Variants in PEMT observed in about 807,000 individuals in gnomAD.
PEMT encodes the protein phosphatidylethanolamine N-methyltransferase.
A neutral mutation model predicts 27.4 loss-of-function variants in PEMT; 23 were observed. That is an observed-to-expected ratio of 0.84 (90% CI 0.60 to 1.19). The LOEUF (loss-of-function observed/expected upper bound fraction) is 1.19. Among genes scored for constraint, PEMT ranks in the 50% most tolerant of loss-of-function variants. The pLI, the probability that PEMT is intolerant of heterozygous loss-of-function variation, is 0.00. For missense variants in PEMT, 307 were observed against 310.1 expected (o/e 0.99, Z 0.07); for synonymous variants, 137 against 139.1 (o/e 0.98, Z 0.11).
chr17:17,583,429 AGAG>A (rs1295266210), intron 1 of PEMT, among the ~76,000 whole-genome samples: 4 of 152,260 alleles, frequency 2.6e-5, no homozygotes, highest in South Asian at 2.1e-4. Flanking sequence ...CTCTGGTAGA[AGAG>A]GAGAAGCCAT....
chr17:17,585,324 C>A (rs943296689), intron 1 of PEMT, among the ~76,000 whole-genome samples: 9 of 152,086 alleles, frequency 5.9e-5, no homozygotes, highest in African/African-American at 2.2e-4. Flanking sequence ...GGCGACAGAG[C>A]GAGAATCCAT....
intron 1 of PEMT, among the ~76,000 whole-genome samples, chr17:17,580,428 G>T (rs1911903990): frequency 6.6e-6 from 1 of 152,052 alleles, no homozygotes; most frequent in Admixed American, 6.6e-5. Flanking sequence ...AGTGAGCCAA[G>T]ATTGTCCCAC....
intron 6 of PEMT, 91 bp downstream of exon 6, chr17:17,506,136 T>G (rs930703015): frequency 1.7e-6 from 2 of 1,177,184 alleles, no homozygotes; most frequent in African/African-American, 3.0e-5. Context: ...CAGCCTGTCC[T>G]GAGCCTGCCC....
At chr17:17,536,026 C>A (rs1252048964) in intron 2 of PEMT, among the ~76,000 whole-genome samples, 1 of 152,206 alleles carries the variant, frequency 6.6e-6, no homozygotes, top group Non-Finnish European at 1.5e-5. Flanking sequence ...CTGCCACTGT[C>A]TCCCCAAGGG....
chr17:17,584,188 C>T (rs1326793395), intron 1 of PEMT, among the ~76,000 whole-genome samples: 1 of 151,966 alleles, frequency 6.6e-6, no homozygotes, highest in African/African-American at 2.4e-5. Context: ...GAGATGGAGT[C>T]TCACTCTATC....
intron 2 of PEMT, among the ~76,000 whole-genome samples, chr17:17,576,399 T>A (rs1911590761): frequency 6.6e-6 from 1 of 152,078 alleles, no homozygotes; most frequent in Admixed American, 6.5e-5. Context: ...TCATGCCGGC[T>A]TGCTCCTGCC....
At chr17:17,577,495 A>G (rs1436213769) in intron 1 of PEMT, 1 of 1,015,976 alleles carries the variant, frequency 9.8e-7, no homozygotes, top group Non-Finnish European at 1.2e-6. Flanking sequence ...TCTTGAGTGC[A>G]CACGAGGGTG....
At chr17:17,511,650 G>A (rs1216048024) in intron 4 of PEMT, among the ~76,000 whole-genome samples, 2 of 152,246 alleles carry the variant, frequency 1.3e-5, no homozygotes, top group African/African-American at 2.4e-5. Flanking sequence ...CTGATGGGGA[G>A]GAAGACGTGG....
intron 2 of PEMT, among the ~76,000 whole-genome samples, chr17:17,533,703 T>C (rs1162287253): frequency 3.3e-5 from 5 of 151,230 alleles, no homozygotes; most frequent in Admixed American, 6.6e-5. Context: ...AATGGCACAA[T>C]CACTTCTGAA....
At chr17:17,568,934 A>C (rs1432057430) in intron 2 of PEMT, among the ~76,000 whole-genome samples, 1 of 152,166 alleles carries the variant, frequency 6.6e-6, no homozygotes, top group Non-Finnish European at 1.5e-5. Context: ...AGCTGCTGCC[A>C]GTACCAGCCA....
At position 17,556,185 on chromosome 17, in the gene PEMT, A is replaced by G. The variant is rs77936443; in HGVS notation, c.204+20735T>C. Among the ~76,000 whole-genome samples, 370 of 152,322 alleles carry G rather than the reference A, an allele frequency of 2.4e-3. 4 individuals carry two copies. Among genetic ancestry groups the G allele is most frequent in the African/African-American group, 8.5e-3 (354 of 41,582 alleles). ...AGAGAACAGGGCCAGGTCCTGCTCAACTGAGCATCCCTAAAACTCAGGAAC... is the reference window on the plus strand; with the variant it reads ...AGAGAACAGGGCCAGGTCCTGCTCAGCTGAGCATCCCTAAAACTCAGGAAC... On this transcript the variant is annotated intron_variant, in intron 2 of 6. Transcript: ENST00000255389.
intron 2 of PEMT, among the ~76,000 whole-genome samples, chr17:17,555,519 G>A (rs754177648): frequency 6.6e-6 from 1 of 152,224 alleles, no homozygotes; most frequent in Admixed American, 6.5e-5. Flanking sequence ...AGAAGAGGGT[G>A]GGGGTGCCAT....
At chr17:17,511,825 A>G (rs1256124533) in intron 4 of PEMT, among the ~76,000 whole-genome samples, 1 of 28,536 alleles carries the variant, frequency 3.5e-5, no homozygotes, top group East Asian at 8.3e-4. Context: ...TCCCACCCCG[A>G]CCCCTACTGC....
At chr17:17,592,055 T>C (rs898672744), upstream of PEMT, 72 of 985,168 alleles carry the variant, frequency 7.3e-5, no homozygotes, top group African/African-American at 1.2e-3. Flanking sequence ...CGCAGCCTCC[T>C]GCGGACTTGG....
intron 2 of PEMT, among the ~76,000 whole-genome samples, chr17:17,527,658 C>T (rs908823721): frequency 1.6e-4 from 24 of 152,216 alleles, no homozygotes; most frequent in Non-Finnish European, 1.0e-4. Context: ...GGGCGCATGG[C>T]GGTGCTGCTG....
intron 1 of PEMT, among the ~76,000 whole-genome samples, chr17:17,587,826 G>A (rs56888695): frequency 0.042 from 6,451 of 152,184 alleles, 461 homozygotes; most frequent in African/African-American, 0.15. Flanking sequence ...CAATGAGCTG[G>A]TATCACGCCA....
At chr17:17,551,878 G>A (rs8075019) in intron 2 of PEMT, among the ~76,000 whole-genome samples, 30,109 of 152,054 alleles carry the variant, frequency 0.2, 3,699 homozygotes, top group African/African-American at 0.35. Context: ...ATTTTTTAAA[G>A]AGACGATACA....
chr17:17,507,039 T>C, intron 5 of PEMT: 2 of 874,590 alleles, frequency 2.3e-6, no homozygotes, highest in East Asian at 5.3e-5. Context: ...GGTGACCAGC[T>C]CCTGACCCCG....
chr17:17,531,667 G>GA (rs1190065475), intron 2 of PEMT, among the ~76,000 whole-genome samples: 1 of 103,902 alleles, frequency 9.6e-6, no homozygotes, highest in African/African-American at 3.4e-5. Context: ...CCATAACTCA[G>GA]AAAAAATATA....
Sources: gnomAD v4.1 joint callset for allele counts (sites outside exome capture counted in the v4.1 genomes callset) on GRCh38, gnomAD v4.1.1 for gene constraint, MANE v1.5 for transcripts, NCBI Gene and HGNC (gene_info 2026-07-23, HGNC 2026-07-21) for gene names.